Variants in PADI1 observed in about 807,000 individuals in gnomAD.
PADI1 encodes the protein protein-arginine deiminase type-1.
A neutral mutation model predicts 74.8 loss-of-function variants in PADI1; 65 were observed. The observed-to-expected ratio is 0.87, with a 90% CI of 0.71 to 1.07. PADI1 has a LOEUF of 1.07. Among genes scored for constraint, PADI1 ranks in the 50% least tolerant of loss-of-function variants. The pLI is 0.00. For missense variants in PADI1, 943 were observed against 854.0 expected, an observed-to-expected ratio of 1.10 and a Z score of -1.30; for synonymous variants, 371 against 336.2, an observed-to-expected ratio of 1.10 and a Z score of -1.13.
chr1:17,214,630 G>A (rs1569758861), intron 1 of PADI1, among the ~76,000 whole-genome samples: 1 of 152,246 alleles, frequency 6.6e-6, no homozygotes, highest in East Asian at 1.9e-4. Flanking sequence ...TCTTGGAGAG[G>A]ATTATTAGAT....
At chr1:17,209,241 G>A (rs2071770596) in intron 1 of PADI1, among the ~76,000 whole-genome samples, 1 of 152,128 alleles carries the variant, frequency 6.6e-6, no homozygotes, top group Non-Finnish European at 1.5e-5. Flanking sequence ...TCCAGCGACC[G>A]ACAGGCTGCC....
At chr1:17,226,425 C>T (rs1222436621) in intron 6 of PADI1, among the ~76,000 whole-genome samples, 3 of 152,200 alleles carry the variant, frequency 2.0e-5, no homozygotes, top group Non-Finnish European at 4.4e-5. Flanking sequence ...ACCCAGGTGT[C>T]TTGGGTGCAC....
intron 10 of PADI1, 127 bp from the exon 11 acceptor site, chr1:17,232,692 T>C: frequency 1.4e-6 from 1 of 722,962 alleles, no homozygotes; most frequent in Non-Finnish European, 2.2e-6. Context: ...ACAGAGATCG[T>C]TTTTCAGGTA....
intron 6 of PADI1, 149 bp downstream of exon 6, chr1:17,226,307 A>T: frequency 1.2e-6 from 1 of 843,772 alleles, no homozygotes. Context: ...TATAGTCCTC[A>T]AGGAGGAGGT....
chr1:17,227,574 TAAA>T (rs2072357275), intron 6 of PADI1, among the ~76,000 whole-genome samples: 1 of 137,344 alleles, frequency 7.3e-6, no homozygotes, highest in Admixed American at 7.2e-5. Context: ...AATAAATAAA[TAAA>T]TAAATTACCA....
chr1:17,231,287 G>A (rs970035247), intron 10 of PADI1, among the ~76,000 whole-genome samples: 23 of 152,284 alleles, frequency 1.5e-4, no homozygotes, highest in African/African-American at 5.3e-4. Flanking sequence ...GGCTCAGGGA[G>A]GTTAAGTAAC....
At chr1:17,231,157 G>A (rs531745636) in intron 10 of PADI1, among the ~76,000 whole-genome samples, 169 of 152,224 alleles carry the variant, frequency 1.1e-3, no homozygotes, top group African/African-American at 2.8e-3. Context: ...AGCACCCACC[G>A]TTACTTATTG....
At chr1:17,209,646 G>T (rs957297174) in intron 1 of PADI1, among the ~76,000 whole-genome samples, 3 of 151,832 alleles carry the variant, frequency 2.0e-5, no homozygotes, top group Non-Finnish European at 4.4e-5. Flanking sequence ...GGCATTTCCT[G>T]GATCCTAGTC....
chr1:17,224,380 G>C lies in PADI1; in HGVS notation c.360G>C (p.Glu120Asp), dbSNP rs2072250322. Reference sequence around the variant, plus strand: ...ATCTCTTTGCAGATATTTCCCTTGAGGTTGACACAGGCCGCACAGGCAAGG... The same window carrying C: ...ATCTCTTTGCAGATATTTCCCTTGACGTTGACACAGGCCGCACAGGCAAGG... ...LYLTGVDISL[E>D]VDTGRTGKVK... The change falls in exon 4 of 16, where the codon GAG becomes GAC. Residue 120 changes from glutamate to aspartate, a missense_variant. Physicochemically the swap from Glu to Asp is conservative, Grantham distance 45 (BLOSUM62 2). Transcript: ENST00000375471. 2 of 1,613,808 alleles carry C rather than the reference G, an allele frequency of 1.2e-6. No individual in the cohort carries two copies. Among genetic ancestry groups the C allele is most frequent in the Admixed American group, 3.3e-5 (2 of 59,992 alleles).
chr1:17,226,186 C>T (rs2072306438), intron 6 of PADI1, 28 bp downstream of exon 6: 1 of 1,612,400 alleles, frequency 6.2e-7, no homozygotes, highest in Non-Finnish European at 8.5e-7. Context: ...GCCTTTTCCT[C>T]CCAGCTCCAT....
In PADI1 at chr1:17,230,156, G is replaced by A. The variant is rs775872914; in HGVS notation, c.1001G>A (p.Cys334Tyr). 4 of 1,614,154 alleles carry A rather than the reference G, an allele frequency of 2.5e-6. No homozygotes were observed. Among genetic ancestry groups the A allele is most frequent in the Admixed American group, 3.3e-5 (2 of 60,010 alleles). ...DMSYLTLKAN[C>Y]KLTICPQVEN... ...TCTTATCTGACATTGAAAGCCAACTGCAAGCTGACCATCTGCCCTCAAGTT... is the reference window on the plus strand; with the variant it reads ...TCTTATCTGACATTGAAAGCCAACTACAAGCTGACCATCTGCCCTCAAGTT... Residue 334 changes from cysteine (C) to tyrosine (Y), a missense_variant, in exon 9 of 16, where the codon TGC (cysteine) becomes TAC (tyrosine). By Grantham distance (194) the Cys-to-Tyr change is radical (BLOSUM62 -2). Transcript: ENST00000375471.
At chr1:17,218,998 T>C (rs565647724) in intron 1 of PADI1, among the ~76,000 whole-genome samples, 1 of 152,146 alleles carries the variant, frequency 6.6e-6, no homozygotes, top group African/African-American at 2.4e-5. Context: ...AGATAGGACA[T>C]AGTCCTCTAG....
At chr1:17,232,229 A>G (rs1287126497) in intron 10 of PADI1, among the ~76,000 whole-genome samples, 3 of 151,824 alleles carry the variant, frequency 2.0e-5, no homozygotes, top group Non-Finnish European at 4.4e-5. Flanking sequence ...TACAGGTGTG[A>G]GCCACCACGC....
Position 17,229,012 on chromosome 1 carries a change from C to T in PADI1, c.890C>T (p.Thr297Met), listed in dbSNP as rs150472036. 203 of 1,590,166 alleles carry T rather than the reference C, an allele frequency of 1.3e-4. No homozygotes were observed. Among genetic ancestry groups the T allele is most frequent in the East Asian group, 3.0e-4 (13 of 43,912 alleles). ...VGFRMAPWIM[T>M]PNTQPPEELY... is the part of the protein sequence containing the mutation. ...TTCCGCATGGCCCCCTGGATCATGA[C>T]GCCCAACACTCAGCCTCCTGAGGAG... Residue 297 changes from threonine to methionine, a missense_variant, in exon 8 of 16, where the codon ACG (threonine) becomes ATG (methionine). Coordinates refer to ENST00000375471, the MANE Select transcript of PADI1 (RefSeq NM_013358.3).
Position 17,222,334 on chromosome 1 carries a change from C to G in PADI1, c.137C>G (p.Ser46Cys). ...GANSFRVSGS[S>C]GVEVFMVYNR... ...AACAGCTTCAGGGTCTCTGGAAGCT[C>G]CGGGGTGGAGGTCTTCATGGTCTAC... Residue 46 changes from serine (S) to cysteine (C), a missense_variant, in exon 2 of 16, where the codon TCC becomes TGC. Physicochemically the swap from Ser to Cys is moderately radical, Grantham distance 112. Coordinates refer to ENST00000375471, the MANE Select transcript of PADI1 (RefSeq NM_013358.3). 1 of 1,614,058 alleles carries G rather than the reference C, an allele frequency of 6.2e-7. No homozygotes were observed. The highest frequency in any genetic ancestry group is 1.1e-5 in the South Asian group (1 of 91,082).
intron 8 of PADI1, among the ~76,000 whole-genome samples, chr1:17,229,863 T>C (rs1247546723): frequency 1.3e-5 from 2 of 152,210 alleles, no homozygotes; most frequent in Non-Finnish European, 2.9e-5. Context: ...GCCCTGCCTC[T>C]GGGCACCACT....
At chr1:17,208,685 T>C (rs925298684) in intron 1 of PADI1, among the ~76,000 whole-genome samples, 2 of 152,280 alleles carry the variant, frequency 1.3e-5, no homozygotes, top group African/African-American at 4.8e-5. Context: ...CCCAGTGGGC[T>C]AGCTCACCAC....
At chr1:17,210,845 C>T (rs1027923275) in intron 1 of PADI1, among the ~76,000 whole-genome samples, 2 of 152,184 alleles carry the variant, frequency 1.3e-5, no homozygotes, top group Non-Finnish European at 2.9e-5. Context: ...GAGCTGCCCC[C>T]TCCTACTGTC....
intron 14 of PADI1, 108 bp downstream of exon 14, chr1:17,239,891 C>CCTGGGGGCTG: frequency 1.2e-6 from 1 of 868,272 alleles, no homozygotes; most frequent in East Asian, 2.7e-5. Flanking sequence ...CTCTCATGGT[C>CCTGGGGGCTG]CTGGGGGCTG....
Sources: allele counts gnomAD v4.1 joint callset (sites outside exome capture counted in the v4.1 genomes callset), GRCh38; gene constraint gnomAD v4.1.1; transcripts MANE v1.5; gene names NCBI Gene and HGNC (gene_info 2026-07-23, HGNC 2026-07-21).